ASIP: variants seen among roughly 807,000 people sequenced by gnomAD.
ASIP encodes the protein agouti signaling protein.
A neutral mutation model predicts 10.3 loss-of-function variants in ASIP; 11 were observed. The observed-to-expected ratio is 1.07, with a 90% CI of 0.68 to 1.78. ASIP has a LOEUF of 1.78. Among genes scored for constraint, ASIP ranks in the 40% most tolerant of loss-of-function variants. ASIP has a pLI of 0.00. For missense variants in ASIP, 180 were observed against 169.2 expected (o/e 1.06, Z -0.35); for synonymous variants, 70 against 70.8 (o/e 0.99, Z 0.06).
At chr20:34,201,255 G>GAC (rs2034898233) in intron 1 of ASIP, among the ~76,000 whole-genome samples, 1 of 152,040 alleles carries the variant, frequency 6.6e-6, no homozygotes, top group Admixed American at 6.6e-5. Context: ...TTTAGATTTG[G>GAC]ACACACAAGA....
chr20:34,236,588 C>T (rs138212482), upstream of ASIP, among the ~76,000 whole-genome samples: 6 of 151,952 alleles, frequency 3.9e-5, no homozygotes, highest in Admixed American at 1.3e-4. Context: ...CAGTGGCTCA[C>T]GCCTGTAATC....
At chr20:34,266,535 T>C (rs2035789287) in intron 3 of ASIP, among the ~76,000 whole-genome samples, 2 of 151,474 alleles carry the variant, frequency 1.3e-5, no homozygotes, top group South Asian at 4.2e-4. Context: ...TAGCTGGGCG[T>C]GGTGGTGCAC....
chr20:34,188,793 G>T, the ASIP span, among the ~76,000 whole-genome samples: 1 of 152,122 alleles, frequency 6.6e-6, no homozygotes, highest in African/African-American at 2.4e-5. Context: ...CTATTCAAAT[G>T]ACTGAAGTTT....
chr20:34,239,223 C>G (rs936586591), upstream of ASIP, among the ~76,000 whole-genome samples: 1 of 152,042 alleles, frequency 6.6e-6, no homozygotes. Flanking sequence ...CTCCCAACCC[C>G]ATGTTCAAAT....
At chr20:34,214,648 T>A in intron 1 of ASIP, 4 of 1,087,342 alleles carry the variant, frequency 3.7e-6, no homozygotes, top group Non-Finnish European at 5.7e-6. Flanking sequence ...TAACTTCAGT[T>A]GTTTTCTATA....
chr20:34,269,127 G>A lies in ASIP; in HGVS notation c.359G>A (p.Arg120His). ...GCCTCCTGCCAGTGCCGCTTCTTCC[G>A]CAGCGCCTGCTCCTGCCGCGTGCTC... The part of the protein sequence containing the change: ...PCASCQCRFF[R>H]SACSCRVLSL... Residue 120 changes from arginine (R) to histidine (H), a missense_variant, in exon 4 of 4, where the codon CGC becomes CAC. Coordinates refer to ENST00000374954, the MANE Select transcript of ASIP (RefSeq NM_001672.3). The A allele has an allele frequency of 6.4e-7, 1 of 1,554,978 alleles. No individual in the cohort carries two copies. The highest frequency in any genetic ancestry group is 2.4e-5 in the East Asian group (1 of 41,204).
intron 1 of ASIP, among the ~76,000 whole-genome samples, chr20:34,200,236 T>G (rs1279728962): frequency 6.6e-6 from 1 of 152,312 alleles, no homozygotes; most frequent in South Asian, 2.1e-4. Context: ...TTTCACCCGA[T>G]GAGCATTTCT....
At chr20:34,214,150 C>T (rs1191289961) in intron 1 of ASIP, 6 of 1,180,788 alleles carry the variant, frequency 5.1e-6, no homozygotes, top group Non-Finnish European at 7.6e-6. Flanking sequence ...TTTAATAAAT[C>T]TTGTATTCTA....
At chr20:34,252,227 G>C (rs1362090590) in intron 1 of ASIP, among the ~76,000 whole-genome samples, 2 of 152,198 alleles carry the variant, frequency 1.3e-5, no homozygotes, top group Non-Finnish European at 2.9e-5. Context: ...GGGCCCAGGA[G>C]ACCGGTGCTC....
At chr20:34,256,881 G>C (rs752060569) in intron 1 of ASIP, among the ~76,000 whole-genome samples, 1 of 151,950 alleles carries the variant, frequency 6.6e-6, no homozygotes, top group Non-Finnish European at 1.5e-5. Flanking sequence ...CCTGGGGTCA[G>C]GTGATTCTCC....
intron 1 of ASIP, among the ~76,000 whole-genome samples, chr20:34,219,098 G>A (rs2035028601): frequency 6.6e-6 from 1 of 152,094 alleles, no homozygotes; most frequent in Non-Finnish European, 1.5e-5. Context: ...CACATTACAT[G>A]TTCAAATGTA....
chr20:34,207,486 T>G (rs1313013300), intron 1 of ASIP, among the ~76,000 whole-genome samples: 1 of 152,242 alleles, frequency 6.6e-6, no homozygotes, highest in East Asian at 1.9e-4. Context: ...GGTTATCTCT[T>G]CACTTTATGG....
intron 1 of ASIP, among the ~76,000 whole-genome samples, chr20:34,195,496 G>T (rs1164334293): frequency 6.6e-6 from 1 of 152,204 alleles, no homozygotes; most frequent in Non-Finnish European, 1.5e-5. Context: ...TACGCTGATG[G>T]CTTCACTTTA....
intron 1 of ASIP, among the ~76,000 whole-genome samples, chr20:34,227,382 T>G (rs747781997): frequency 6.6e-6 from 1 of 152,078 alleles, no homozygotes; most frequent in Non-Finnish European, 1.5e-5. Flanking sequence ...CCTGTAATCC[T>G]AGTACTTAGG....
chr20:34,195,822 G>A (rs531589847), intron 1 of ASIP, among the ~76,000 whole-genome samples: 1 of 151,976 alleles, frequency 6.6e-6, no homozygotes, highest in Admixed American at 6.6e-5. Context: ...TTTTTTGCTG[G>A]AGTAGCTCGA....
At chr20:34,196,319 G>C (rs1465859967) in intron 1 of ASIP, among the ~76,000 whole-genome samples, 1 of 151,266 alleles carries the variant, frequency 6.6e-6, no homozygotes, top group Non-Finnish European at 1.5e-5. Flanking sequence ...AGCTACAGGC[G>C]CCCGCCACCA....
chr20:34,199,930 A>G (rs2034881933), intron 1 of ASIP, among the ~76,000 whole-genome samples: 1 of 152,210 alleles, frequency 6.6e-6, no homozygotes, highest in Non-Finnish European at 1.5e-5. Flanking sequence ...TCACCCCCGT[A>G]AAGAACTGTA....
In ASIP at chr20:34,219,712, G is replaced by A. The variant is rs556309232; in HGVS notation, c.-11+24952G>A. ...TAAGGTTGCTTGTGGGTGGTGAGAG[G>A]AACAGAGCACAGAAATGTTAACATT... On this transcript the variant is annotated intron_variant, in intron 1 of 3. Coordinates refer to the ASIP transcript ENST00000568305. 4.6e-5 allele frequency among the ~76,000 whole-genome samples: 7 copies of A among 152,306 alleles called. No individual in the cohort carries two copies. In the South Asian group the frequency reaches 1.4e-3, roughly 32 times the overall value.
Position 34,213,713 on chromosome 20 carries a change from C to A in ASIP, c.-11+18953C>A. 2.0e-6 allele frequency: 3 copies of A among 1,520,402 alleles called. No individual in the cohort carries two copies. The South Asian group carries it at 3.4e-5, about 17-fold the overall frequency. 94.2% of individuals were successfully genotyped at this position (1,520,402 alleles called of 1,614,324 possible). A position where few individuals can be genotyped will look rare whatever the true frequency, so the allele number is the denominator to read the frequency against. On this transcript the variant is annotated intron_variant, in intron 1 of 3. Coordinates refer to the ASIP transcript ENST00000568305. ...GCAGATGGGATGAACGGAAAAACTT[C>A]TTCCTCCAGGCAAATAATCATTCGA... is the stretch of plus-strand genomic sequence containing the variant.
Sources: allele counts gnomAD v4.1 joint callset (sites outside exome capture counted in the v4.1 genomes callset), GRCh38; gene constraint gnomAD v4.1.1; transcripts MANE v1.5; gene names NCBI Gene and HGNC (gene_info 2026-07-23, HGNC 2026-07-21).